The following ZNF587B variants were observed in gnomAD, a reference collection of about 807,000 sequenced individuals.
The protein encoded by ZNF587B is zinc finger protein 587B.
A neutral mutation model predicts 7.2 loss-of-function variants in ZNF587B; 6 were observed. That is an observed-to-expected ratio of 0.83 (90% CI 0.46 to 1.65). ZNF587B has a LOEUF of 1.65. Among genes scored for constraint, ZNF587B ranks in the 40% most tolerant of loss-of-function variants. The probability of loss-of-function intolerance (pLI) is 0.01; values close to 1 mark genes in which losing one functional copy is unlikely to be tolerated. For missense variants in ZNF587B, 749 were observed against 761.0 expected, an observed-to-expected ratio of 0.98 and a Z score of 0.19; for synonymous variants, 274 against 254.3, an observed-to-expected ratio of 1.08 and a Z score of -0.74.
At chr19:57,838,598 TCAAACAAA>T (rs372790182) in intron 1 of ZNF587B, among the ~76,000 whole-genome samples, 29 of 152,204 alleles carry the variant, frequency 1.9e-4, no homozygotes, top group African/African-American at 6.5e-4. Flanking sequence ...AGACTCCATC[TCAAACAAA>T]CAAACAAACA....
rs765811898 is a variant in ZNF587B at position 57,841,435 on chromosome 19, A to G, written c.761A>G (p.Tyr254Cys). 17 of 1,585,144 alleles carry G rather than the reference A, an allele frequency of 1.1e-5. No individual in the cohort carries two copies. The highest frequency in any genetic ancestry group is 8.6e-7 in the Non-Finnish European group (1 of 1,164,692). ...GAATGTGGGAAATCCTTTAGCAAAT[A>G]TGTTAGCTTCAGTAATCATCAGAGA... ...CCECGKSFSK[Y>C]VSFSNHQRVH... The change falls in exon 3 of 3, where the codon TAT becomes TGT. Residue 254 changes from tyrosine (Y) to cysteine (C), a missense_variant. Tyr to Cys is a radical substitution (Grantham distance 194). Coordinates refer to ENST00000594901, the MANE Select transcript of ZNF587B (RefSeq NM_001376223.1).
rs765208651 is a variant in ZNF587B, at chr19:57,841,172, A to G, written c.498A>G (p.Ser166=). ...TGAAGAGGTGTAAGTTGCATGTGTC[A>G]GGGGAGTCATCTGTCTTCAGTGAGA... ...LFVKRCKLHV[S]GESSVFSESG... Residue 166 remains serine (S), a synonymous_variant, in exon 3 of 3, where the codon TCA becomes TCG. Transcript: ENST00000594901. 9 of 1,614,230 alleles carry G rather than the reference A, an allele frequency of 5.6e-6. No individual in the cohort carries two copies. The highest frequency in any genetic ancestry group is 1.1e-5 in the South Asian group (1 of 91,080).
In ZNF587B at chr19:57,842,256, G is replaced by C; in HGVS notation, c.1582G>C (p.Gly528Arg). The change falls in exon 3 of 3, where the codon GGG becomes CGG. Residue 528 changes from glycine to arginine, a missense_variant. Gly to Arg is a moderately radical substitution (Grantham distance 125). Coordinates refer to ENST00000594901, the MANE Select transcript of ZNF587B (RefSeq NM_001376223.1). ...GERPYECSDC[G>R]KSFTHSCAFI... The stretch of plus-strand genomic sequence containing the variant: ...AAGGCCATATGAATGCAGTGATTGT[G>C]GGAAGTCATTTACCCACAGCTGTGC... The C allele has an allele frequency of 6.2e-7, 1 of 1,613,460 alleles. No individual in the cohort carries two copies. Among genetic ancestry groups the C allele is most frequent in the South Asian group, 1.1e-5 (1 of 91,030 alleles).
Position 57,841,250 on chromosome 19 carries a change from C to T in ZNF587B, c.576C>T (p.His192=), listed in dbSNP as rs776578551. 1.2e-6 allele frequency: 2 copies of T among 1,614,174 alleles called. No individual in the cohort carries two copies. Among genetic ancestry groups the T allele is most frequent in the South Asian group, 1.1e-5 (1 of 91,072 alleles). ...GATTACTCCAGCAGGAGGCCAGTCACACTGGGGAGAAGTCAAACAGCAAAA... is the reference window on the plus strand; with the variant it reads ...GATTACTCCAGCAGGAGGCCAGTCATACTGGGGAGAAGTCAAACAGCAAAA... The part of the protein sequence containing the change: ...RSGLLQQEAS[H]TGEKSNSKTE... Residue 192 remains histidine, a synonymous_variant, in exon 3 of 3, where the codon CAC becomes CAT. Coordinates refer to ENST00000594901, the MANE Select transcript of ZNF587B (RefSeq NM_001376223.1).
At position 57,845,926 on chromosome 19, in the gene ZNF587B, A is replaced by G. The variant is rs12789; in HGVS notation, c.*3350A>G. 1.3e-5 allele frequency: 2 copies of G among 152,190 alleles called. No individual in the cohort carries two copies. Among genetic ancestry groups the G allele is most frequent in the African/African-American group, 2.4e-5 (1 of 41,438 alleles). The allele number at this position is 152,190 out of a possible 1,614,324, so 9.4% of individuals were successfully genotyped here. ...GAAGTTGCAGTGAGCTAAGATTGCA[A>G]CGCTGCAGTCCAGCCTGGGTGATAG... On this transcript the variant is annotated 3_prime_UTR_variant, in exon 3 of 3. Coordinates refer to ENST00000594901, the MANE Select transcript of ZNF587B (RefSeq NM_001376223.1).
At position 57,843,700 on chromosome 19, in the gene ZNF587B, C is replaced by G. The variant is rs900877907; in HGVS notation, c.*1124C>G. On this transcript the variant is annotated 3_prime_UTR_variant, in exon 3 of 3. Coordinates refer to ENST00000594901, the MANE Select transcript of ZNF587B (RefSeq NM_001376223.1). ...CATTGCAACCTCTGCCTCCTGAGTT[C>G]AAGCAATTCTCCTTTCTCAGCCTCC... 20 of 474,716 alleles carry G rather than the reference C, an allele frequency of 4.2e-5. No individual in the cohort carries two copies. Among genetic ancestry groups the G allele is most frequent in the Non-Finnish European group, 5.1e-5 (19 of 370,860 alleles). 29.4% of individuals were successfully genotyped at this position (474,716 alleles called of 1,614,324 possible). A position where few individuals can be genotyped will look rare whatever the true frequency, so the allele number is the denominator to read the frequency against.
chr19:57,832,512 G>A (rs2122206093), intron 1 of ZNF587B, among the ~76,000 whole-genome samples: 1 of 152,298 alleles, frequency 6.6e-6, no homozygotes, highest in Non-Finnish European at 1.5e-5. Context: ...CTGTCTGAAA[G>A]GTCACGTATC....
intron 1 of ZNF587B, among the ~76,000 whole-genome samples, chr19:57,833,469 TC>T (rs1988499640): frequency 1.5e-5 from 2 of 130,502 alleles, no homozygotes; most frequent in Admixed American, 1.6e-4. Flanking sequence ...AGCAATGTCA[TC>T]CACGAGCCAA....
intron 1 of ZNF587B, among the ~76,000 whole-genome samples, chr19:57,831,853 C>G (rs769811649): frequency 6.6e-6 from 1 of 151,608 alleles, no homozygotes; most frequent in Non-Finnish European, 1.5e-5. Context: ...TACAGACACC[C>G]GCCACCATGC....
chr19:57,842,488 CT>C lies in ZNF587B; in HGVS notation c.1816del (p.Tyr606MetfsTer33). The C allele has an allele frequency of 6.3e-7, 1 of 1,586,380 alleles. No homozygotes were observed. The highest frequency in any genetic ancestry group is 1.2e-5 in the South Asian group (1 of 86,090). ...NHRRVHTGEK[P>X]YGCSECEKKF... ...AGGAGAGTTCACACTGGAGAAAAGC[CT>C]TATGGGTGTAGTGAATGTGAAAAAA... On this transcript the variant is annotated frameshift_variant, in exon 3 of 3. Coordinates refer to ENST00000594901, the MANE Select transcript of ZNF587B (RefSeq NM_001376223.1). LOFTEE classifies it low-confidence loss of function (END_TRUNC).
At position 57,845,958 on chromosome 19, in the gene ZNF587B, A is replaced by AC. The variant is rs1250082442; in HGVS notation, c.*3386dup. On this transcript the variant is annotated 3_prime_UTR_variant, in exon 3 of 3. Transcript: ENST00000594901. ...AGTCCAGCCTGGGTGATAGAGTGAG[A>AC]CCCCATCTTAAAAATAAAATAAAGA... 1 of 152,122 alleles carries AC rather than the reference A, an allele frequency of 6.6e-6. No individual in the cohort carries two copies. The highest frequency in any genetic ancestry group is 1.5e-5 in the Non-Finnish European group (1 of 68,012). 9.4% of individuals were successfully genotyped at this position (152,122 alleles called of 1,614,324 possible). A position where few individuals can be genotyped will look rare whatever the true frequency, so the allele number is the denominator to read the frequency against.
At position 57,842,745 on chromosome 19, in the gene ZNF587B, G is replaced by A. The variant is rs1988908372; in HGVS notation, c.*169G>A. 1 of 985,402 alleles carries A rather than the reference G, an allele frequency of 1.0e-6. No individual in the cohort carries two copies. Among genetic ancestry groups the A allele is most frequent in the Non-Finnish European group, 1.2e-6 (1 of 829,932 alleles). 61.0% of individuals were successfully genotyped at this position (985,402 alleles called of 1,614,324 possible). ...CCTTACAAGTAAAATAAATTTGGCA[G>A]TTTTGTAGCCACACCTCTGTATTCC... On this transcript the variant is annotated 3_prime_UTR_variant, in exon 3 of 3. Coordinates refer to ENST00000594901, the MANE Select transcript of ZNF587B (RefSeq NM_001376223.1).
At chr19:57,839,922 TAAAA>T (rs998353171) in intron 2 of ZNF587B, among the ~76,000 whole-genome samples, 1 of 151,332 alleles carries the variant, frequency 6.6e-6, no homozygotes, top group Non-Finnish European at 1.5e-5. Context: ...CTACTAAATA[TAAAA>T]AAATCACTCG....
intron 1 of ZNF587B, among the ~76,000 whole-genome samples, chr19:57,831,097 C>A (rs892356348): frequency 3.3e-5 from 5 of 152,108 alleles, no homozygotes; most frequent in Non-Finnish European, 7.4e-5. Flanking sequence ...GGATATAGCT[C>A]GCCACAGTAT....
chr19:57,831,696 TTTTA>T (rs1420325482), intron 1 of ZNF587B, among the ~76,000 whole-genome samples: 3 of 149,346 alleles, frequency 2.0e-5, no homozygotes, highest in Admixed American at 1.3e-4. Flanking sequence ...GCCCAGCTTA[TTTTA>T]TTTATTTATT....
Position 57,830,528 on chromosome 19 carries a change from G to T in ZNF587B, c.-1G>T. 6.5e-7 allele frequency: 1 copy of T among 1,549,554 alleles called. No individual in the cohort carries two copies. The highest frequency in any genetic ancestry group is 1.2e-5 in the South Asian group (1 of 84,064). ...AACCCTGCTTTAAACCACGTGGTTC[G>T]ATGGCGGTGGTGGCCACGCTGAGGC... On this transcript the variant is annotated 5_prime_UTR_variant, in exon 1 of 3. Transcript: ENST00000594901.
In ZNF587B at chr19:57,839,063, A is replaced by G. The variant is rs1031704807; in HGVS notation, c.77A>G (p.Gln26Arg). 21 of 1,614,074 alleles carry G rather than the reference A, an allele frequency of 1.3e-5. No individual in the cohort carries two copies. Among genetic ancestry groups the G allele is most frequent in the Admixed American group, 3.3e-5 (2 of 60,004 alleles). ...TFEDVAVKFT[Q>R]EEWNLLSEAQ... ...GAAGACGTGGCTGTGAAATTTACCC[A>G]GGAGGAATGGAATCTCCTTAGTGAG... Residue 26 changes from glutamine (Q) to arginine (R), a missense_variant, in exon 2 of 3, where the codon CAG (glutamine) becomes CGG (arginine). Around this residue, in one of 3 missense-constraint regions of ZNF587B, gnomAD observed 72 missense variants for 147.8 expected, o/e 0.49. Transcript: ENST00000594901.
rs1988854157 is a variant in ZNF587B, at chr19:57,841,629, G to T, written c.955G>T (p.Val319Phe). 1 of 1,594,336 alleles carries T rather than the reference G, an allele frequency of 6.3e-7. No individual in the cohort carries two copies. The highest frequency in any genetic ancestry group is 8.5e-7 in the Non-Finnish European group (1 of 1,170,266). Reference sequence around the variant, plus strand: ...AGGATATCTTAGGCGCCATCAAAAAGTTCACGCTGGAAAAGGGCCTTATGA... The same window carrying T: ...AGGATATCTTAGGCGCCATCAAAAATTTCACGCTGGAAAAGGGCCTTATGA... ...LEGYLRRHQK[V>F]HAGKGPYECG... The change falls in exon 3 of 3, where the codon GTT becomes TTT. Residue 319 changes from valine to phenylalanine, a missense_variant. Physicochemically the swap from Val to Phe is conservative, Grantham distance 50. This residue lies in a region of ZNF587B where 656 missense variants were observed against 596.5 expected (regional missense o/e 1.10). Coordinates refer to ENST00000594901, the MANE Select transcript of ZNF587B (RefSeq NM_001376223.1).
In ZNF587B at chr19:57,843,861, A is replaced by G. The variant is rs1377214319; in HGVS notation, c.*1285A>G. 1.3e-5 allele frequency among the ~76,000 whole-genome samples: 2 copies of G among 151,860 alleles called. No individual in the cohort carries two copies. Among genetic ancestry groups the G allele is most frequent in the African/African-American group, 2.4e-5 (1 of 41,372 alleles). ...GTGATCCACCTGCCTTGGCCTCCCA[A>G]AGTGCTGGGATTACAGTGTGAGCCT... On this transcript the variant is annotated 3_prime_UTR_variant, in exon 3 of 3. Transcript: ENST00000594901.
Sources: gnomAD v4.1 joint callset for allele counts (sites outside exome capture counted in the v4.1 genomes callset) on GRCh38, gnomAD v4.1.1 for gene constraint, gnomAD v4.1.1 regional missense constraint, MANE v1.5 for transcripts, NCBI Gene and HGNC (gene_info 2026-07-23, HGNC 2026-07-21) for gene names.